CTRL: variants seen among roughly 807,000 people sequenced by gnomAD.
CTRL encodes chymotrypsin like, also known as chymotrypsin-like protease CTRL-1.
Under a neutral mutation model 35.5 loss-of-function variants are expected in CTRL, and 38 were observed. The ratio of observed to expected loss-of-function variants is 1.07; its 90% confidence interval spans 0.83 to 1.40. CTRL has a LOEUF of 1.40. Ranked by LOEUF, CTRL falls within the 40% of genes most tolerant of loss-of-function variation. The pLI, the probability that CTRL is intolerant of heterozygous loss-of-function variation, is 0.00. For synonymous variants in CTRL, 155 were observed against 141.1 expected (o/e 1.10, Z -0.70); for missense variants, 327 against 342.9 (o/e 0.95, Z 0.37).
In CTRL at chr16:67,930,160, C is replaced by T. The variant is rs1364167588; in HGVS notation, c.633+25G>A. On this transcript the variant is annotated intron_variant, in intron 6 of 6. Transcript: ENST00000574481. The surrounding 1 kb of genome is among the most constrained non-coding windows in gnomAD (Gnocchi z 4.3). Reference sequence around the variant, plus strand: ...TGGGGAGGTATACCACAGGACAGCGCAGAGGAGCGGGTGCTGGGGCTTACC... The same window carrying T: ...TGGGGAGGTATACCACAGGACAGCGTAGAGGAGCGGGTGCTGGGGCTTACC... 6 of 1,613,684 alleles carry T rather than the reference C, an allele frequency of 3.7e-6. No individual in the cohort carries two copies. In the South Asian group the frequency reaches 6.6e-5, roughly 18 times the overall value.
chr16:67,930,852 G>A lies in CTRL; in HGVS notation c.237-45C>T. On this transcript the variant is annotated intron_variant, in intron 3 of 6. Transcript: ENST00000574481. The surrounding 1 kb of genome is among the most constrained non-coding windows in gnomAD (Gnocchi z 4.3). Reference sequence around the variant, plus strand: ...GGCAGCTGCAGGGAGGCCAGCGCGAGAGGGGGACAGCCAGGGGAGGAGGCA... The same window carrying A: ...GGCAGCTGCAGGGAGGCCAGCGCGAAAGGGGGACAGCCAGGGGAGGAGGCA... 1 of 1,613,160 alleles carries A rather than the reference G, an allele frequency of 6.2e-7. No individual in the cohort carries two copies. The highest frequency in any genetic ancestry group is 8.5e-7 in the Non-Finnish European group (1 of 1,179,476).
rs756959771 is a variant in CTRL, at chr16:67,930,144, A to G, written c.633+41T>C. On this transcript the variant is annotated intron_variant, in intron 6 of 6. Transcript: ENST00000574481. The surrounding 1 kb of genome is among the most constrained non-coding windows in gnomAD (Gnocchi z 4.3). ...ATTGAGTAGGGGGGGTTGGGGAGGTATACCACAGGACAGCGCAGAGGAGCG... is the reference window on the plus strand; with the variant it reads ...ATTGAGTAGGGGGGGTTGGGGAGGTGTACCACAGGACAGCGCAGAGGAGCG... 2 of 1,613,598 alleles carry G rather than the reference A, an allele frequency of 1.2e-6. No individual in the cohort carries two copies. The highest frequency in any genetic ancestry group is 2.7e-5 in the African/African-American group (2 of 74,900).
At position 67,931,088 on chromosome 16, in the gene CTRL, G is replaced by A. The variant is rs763889902; in HGVS notation, c.156+10C>T. On this transcript the variant is annotated intron_variant, in intron 2 of 6. Coordinates refer to ENST00000574481, the MANE Select transcript of CTRL (RefSeq NM_001907.3). ...TACCCAGGACCCTGCCCACCCCTCTGGTGGTGTACCTGCAGGGACACCTGC... is the reference window on the plus strand; with the variant it reads ...TACCCAGGACCCTGCCCACCCCTCTAGTGGTGTACCTGCAGGGACACCTGC... 1 of 1,613,790 alleles carries A rather than the reference G, an allele frequency of 6.2e-7. No homozygotes were observed.
At position 67,931,176 on chromosome 16, in the gene CTRL, C is replaced by G; in HGVS notation, c.78G>C (p.Pro26=). The part of the protein sequence containing the change: ...SWGCGIPAIK[P]ALSFSQRIVN... ...CAATCCTCTGGCTGAAGCTCAGTGC[C>G]GGTTTGATGGCAGGAATGCCGCAGC... Residue 26 remains proline, a synonymous_variant, in exon 2 of 7, where the codon CCG becomes CCC. Transcript: ENST00000574481. 1 of 1,614,096 alleles carries G rather than the reference C, an allele frequency of 6.2e-7. No homozygotes were observed. Among genetic ancestry groups the G allele is most frequent in the Non-Finnish European group, 8.5e-7 (1 of 1,180,000 alleles).
rs1374523177 is a variant in CTRL at position 67,931,156 on chromosome 16, C to T, written c.98G>A (p.Arg33Lys). ...AIKPALSFSQ[R>K]IVNGENAVLG... ...CACTGCATTCTCCCCGTTGACAATC[C>T]TCTGGCTGAAGCTCAGTGCCGGTTT... The change falls in exon 2 of 7, where the codon AGG (arginine) becomes AAG (lysine). Residue 33 changes from arginine (R) to lysine (K), a missense_variant. By Grantham distance (26) the Arg-to-Lys change is conservative. Transcript: ENST00000574481. The T allele has an allele frequency of 9.9e-6, 16 of 1,614,048 alleles. No individual in the cohort carries two copies. The highest frequency in any genetic ancestry group is 1.3e-5 in the African/African-American group (1 of 74,942).
chr16:67,929,686 C>T lies in CTRL; in HGVS notation c.*248G>A, dbSNP rs1210830859. On this transcript the variant is annotated 3_prime_UTR_variant, in exon 7 of 7. Coordinates refer to ENST00000574481, the MANE Select transcript of CTRL (RefSeq NM_001907.3). ...CTGCCATTCATTCCAACAGTTCTGG[C>T]TTCTTGCTGTAGGACCAAGGGGTTG... The T allele has an allele frequency of 1.3e-5, 7 of 539,778 alleles. No individual in the cohort carries two copies. Among genetic ancestry groups the T allele is most frequent in the Non-Finnish European group, 2.0e-5 (6 of 300,460 alleles). 33.4% of individuals were successfully genotyped at this position (539,778 alleles called of 1,614,324 possible). A position where few individuals can be genotyped will look rare whatever the true frequency, so the allele number is the denominator to read the frequency against.
Position 67,929,880 on chromosome 16 carries a change from T to C in CTRL, c.*54A>G, listed in dbSNP as rs1320302646. ...CAGGAAGACAGACATGAATGCATGA[T>C]GGGACAGGGCCTGGGTCTTTAATGG... On this transcript the variant is annotated 3_prime_UTR_variant, in exon 7 of 7. Transcript: ENST00000574481. The C allele has an allele frequency of 1.9e-6, 3 of 1,575,066 alleles. No individual in the cohort carries two copies. In the African/African-American group the frequency reaches 4.1e-5, roughly 21 times the overall value.
In CTRL at chr16:67,930,947, A is replaced by T. The variant is rs1199256869; in HGVS notation, c.209T>A (p.Val70Glu). The change falls in exon 3 of 7, where the codon GTG becomes GAG. Residue 70 changes from valine to glutamate, a missense_variant. By Grantham distance (121) the Val-to-Glu change is moderately radical. Transcript: ENST00000574481. The surrounding 1 kb of genome is among the most constrained non-coding windows in gnomAD (Gnocchi z 4.3). Reference sequence around the variant, plus strand: ...GACATTGCAGTGGGCAGCAGTGACCACCCAGGACTGGCTGATGAGAGAACC... The same window carrying T: ...GACATTGCAGTGGGCAGCAGTGACCTCCCAGGACTGGCTGATGAGAGAACC... The part of the protein sequence containing the change: ...CGGSLISQSW[V>E]VTAAHCNVSP... 1 of 1,613,628 alleles carries T rather than the reference A, an allele frequency of 6.2e-7. No individual in the cohort carries two copies. Among genetic ancestry groups the T allele is most frequent in the Non-Finnish European group, 8.5e-7 (1 of 1,180,000 alleles).
rs956216457 is a variant in CTRL at position 67,931,203 on chromosome 16, T to C, written c.53-2A>G. 3.1e-6 allele frequency: 5 copies of C among 1,613,936 alleles called. No homozygotes were observed. The Admixed American group carries it at 8.3e-5, about 27-fold the overall frequency. On this transcript the variant is annotated splice_acceptor_variant, in intron 1 of 6. Transcript: ENST00000574481. LOFTEE classifies it high-confidence loss of function. Reference sequence around the variant, plus strand: ...GTTTGATGGCAGGAATGCCGCAGCCTGGCCATTGGGCTAATGAGGACCTGC... The same window carrying C: ...GTTTGATGGCAGGAATGCCGCAGCCCGGCCATTGGGCTAATGAGGACCTGC...
rs368276407 is a variant in CTRL at position 67,930,130 on chromosome 16, G to C, written c.634-35C>G. The C allele has an allele frequency of 6.2e-7, 1 of 1,613,812 alleles. No homozygotes were observed. Among genetic ancestry groups the C allele is most frequent in the Non-Finnish European group, 8.5e-7 (1 of 1,179,748 alleles). ...AAGAGGGAGGGAGAATTGAGTAGGG[G>C]GGGTTGGGGAGGTATACCACAGGAC... On this transcript the variant is annotated intron_variant, in intron 6 of 6. Coordinates refer to ENST00000574481, the MANE Select transcript of CTRL (RefSeq NM_001907.3). The surrounding 1 kb of genome is among the most constrained non-coding windows in gnomAD (Gnocchi z 4.3).
chr16:67,931,214 CTAA>C lies in CTRL; in HGVS notation c.53-16_53-14del. ...GGAATGCCGCAGCCTGGCCATTGGG[CTAA>C]TGAGGACCTGCTTCCCATGCCTCAG... On this transcript the variant is annotated splice_polypyrimidine_tract_variant and intron_variant, in intron 1 of 6. Transcript: ENST00000574481. 1.2e-6 allele frequency: 2 copies of C among 1,613,640 alleles called. No homozygotes were observed. The highest frequency in any genetic ancestry group is 1.7e-4 in the Middle Eastern group (1 of 6,060).
At position 67,931,313 on chromosome 16, in the gene CTRL, G is replaced by A. The variant is rs1258635666; in HGVS notation, c.53-112C>T. Reference sequence around the variant, plus strand: ...CAGAGAGGTCTGTCGAGAGGGTACAGCACTACCCCTTCCCCAACAGGGTAC... The same window carrying A: ...CAGAGAGGTCTGTCGAGAGGGTACAACACTACCCCTTCCCCAACAGGGTAC... On this transcript the variant is annotated intron_variant, in intron 1 of 6. Coordinates refer to ENST00000574481, the MANE Select transcript of CTRL (RefSeq NM_001907.3). The A allele has an allele frequency of 4.0e-6, 4 of 989,804 alleles. No homozygotes were observed. The African/African-American group carries it at 4.8e-5, about 12-fold the overall frequency. The allele number at this position is 989,804 out of a possible 1,614,324, so 61.3% of individuals were successfully genotyped here.
chr16:67,931,048 C>T (rs749829774), intron 2 of CTRL, 49 bp from the exon 3 acceptor site: 10 of 1,613,384 alleles, frequency 6.2e-6, no homozygotes, highest in Admixed American at 3.3e-5. Context: ...GCTGAGGCTG[C>T]CCCTAGGCAT....
In CTRL at chr16:67,930,895, G is replaced by A. The variant is rs1341189489; in HGVS notation, c.236+25C>T. 1.9e-6 allele frequency: 3 copies of A among 1,612,584 alleles called. No homozygotes were observed. The highest frequency in any genetic ancestry group is 2.2e-5 in the East Asian group (1 of 44,870). ...AGGAGGCAGGAAGAGGCGAGGGGCG[G>A]GGCAGGTGGAATGCAGGCACTCACC... On this transcript the variant is annotated intron_variant, in intron 3 of 6. Transcript: ENST00000574481. This position sits in a 1 kb window ranked among gnomAD's most constrained non-coding sequence, Gnocchi z 4.3.
intron 1 of CTRL, 121 bp downstream of exon 1, chr16:67,931,680 G>T: frequency 8.3e-7 from 1 of 1,200,162 alleles, no homozygotes; most frequent in Non-Finnish European, 1.2e-6. Context: ...GGCATATCCT[G>T]TTTCTTTTGC....
chr16:67,931,100 G>A lies in CTRL; in HGVS notation c.154C>T (p.Gln52Ter). 1 of 1,613,998 alleles carries A rather than the reference G, an allele frequency of 6.2e-7. No homozygotes were observed. The highest frequency in any genetic ancestry group is 8.5e-7 in the Non-Finnish European group (1 of 1,179,962). Residue 52 changes from glutamine (Q) to a stop codon, truncating the protein, a stop_gained and splice_region_variant, in exon 2 of 7, where the codon CAG becomes TAG. Coordinates refer to ENST00000574481, the MANE Select transcript of CTRL (RefSeq NM_001907.3). LOFTEE classifies it high-confidence loss of function. ...LGSWPWQVSL[Q>*]DSSGFHFCGG... ...TGCCCACCCCTCTGGTGGTGTACCT[G>A]CAGGGACACCTGCCAGGGCCAGGAG...
In CTRL at chr16:67,929,711, G is replaced by T; in HGVS notation, c.*223C>A. Reference sequence around the variant, plus strand: ...CTTCTTGCTGTAGGACCAAGGGGTTGCCCTGGAGGAGGGGTGGGGGCCCCG... The same window carrying T: ...CTTCTTGCTGTAGGACCAAGGGGTTTCCCTGGAGGAGGGGTGGGGGCCCCG... On this transcript the variant is annotated 3_prime_UTR_variant, in exon 7 of 7. Coordinates refer to ENST00000574481, the MANE Select transcript of CTRL (RefSeq NM_001907.3). 1.7e-6 allele frequency: 1 copy of T among 574,166 alleles called. No individual in the cohort carries two copies. The highest frequency in any genetic ancestry group is 3.1e-6 in the Non-Finnish European group (1 of 321,636). 35.6% of individuals were successfully genotyped at this position (574,166 alleles called of 1,614,324 possible).
Position 67,931,856 on chromosome 16 carries a change from G to A in CTRL, c.-4C>T, listed in dbSNP as rs1352462214. 9 of 1,568,762 alleles carry A rather than the reference G, an allele frequency of 5.7e-6. No individual in the cohort carries two copies. The highest frequency in any genetic ancestry group is 7.8e-6 in the Non-Finnish European group (9 of 1,157,000). ...GGGTCAGGCTGAGCAGCAACATCGT[G>A]GCAGATGTGAGGTTGGGAGCTGGGT... is the stretch of plus-strand genomic sequence containing the variant. On this transcript the variant is annotated 5_prime_UTR_variant, in exon 1 of 7. Transcript: ENST00000574481.
At chr16:67,931,677 C>G in intron 1 of CTRL, 124 bp downstream of exon 1, 1 of 1,151,294 alleles carries the variant, frequency 8.7e-7, no homozygotes, top group South Asian at 1.3e-5. Flanking sequence ...CCTGGCATAT[C>G]CTGTTTCTTT....
Sources: allele counts gnomAD v4.1 joint callset, GRCh38; gene constraint gnomAD v4.1.1; non-coding constraint Gnocchi (gnomAD v3.1); transcripts MANE v1.5; gene names NCBI Gene and HGNC (gene_info 2026-07-23, HGNC 2026-07-21).